Variants in TRIM11 observed in about 807,000 individuals in gnomAD.
The protein encoded by TRIM11 is E3 ubiquitin-protein ligase TRIM11.
TRIM11 carries 15 observed loss-of-function variants against 33.4 expected under a neutral mutation model. The observed-to-expected ratio is 0.45, with a 90% CI of 0.30 to 0.69. The LOEUF is 0.69. Ranked by LOEUF, TRIM11 falls within the 30% of genes least tolerant of loss-of-function variation. The probability of loss-of-function intolerance (pLI) is 0.08; values close to 1 mark genes in which losing one functional copy is unlikely to be tolerated. For synonymous variants in TRIM11, 281 were observed against 302.6 expected (o/e 0.93, Z 0.74); for missense variants, 499 against 667.6 (o/e 0.75, Z 2.78).
Position 228,406,580 on chromosome 1 carries a change from G to T in TRIM11, c.-19C>A. ...CGGCCATGGCGCGGACAGAGGGGAG[G>T]AAGGCGGTACTGTCCGCGGGGCGGC... On this transcript the variant is annotated 5_prime_UTR_variant, in exon 1 of 6. Transcript: ENST00000284551. The surrounding 1 kb of genome is among the most constrained non-coding windows in gnomAD (Gnocchi z 8.2). The T allele has an allele frequency of 2.7e-6, 4 of 1,491,400 alleles. No homozygotes were observed. Among genetic ancestry groups the T allele is most frequent in the Non-Finnish European group, 2.7e-6 (3 of 1,117,468 alleles). 92.4% of individuals were successfully genotyped at this position (1,491,400 alleles called of 1,614,324 possible).
chr1:228,406,551 G>C lies in TRIM11; in HGVS notation c.11C>G (p.Pro4Arg), dbSNP rs1170213148. Reference protein sequence around the residue: MAAPDLSTNLQEEA... With the variant: MAARDLSTNLQEEA... ...CTCCTGGAGGTTGGTGGACAGGTCG[G>C]GGGCGGCCATGGCGCGGACAGAGGG... The change falls in exon 1 of 6, where the codon CCC becomes CGC. Residue 4 changes from proline to arginine, a missense_variant. Transcript: ENST00000284551. The surrounding 1 kb of genome is among the most constrained non-coding windows in gnomAD (Gnocchi z 8.2). The C allele has an allele frequency of 6.5e-7, 1 of 1,537,496 alleles. No homozygotes were observed. The highest frequency in any genetic ancestry group is 1.2e-5 in the South Asian group (1 of 83,898).
rs2074955745 is a variant in TRIM11 at position 228,394,035 on chromosome 1, TC to T, written c.*669del. On this transcript the variant is annotated 3_prime_UTR_variant, in exon 6 of 6. Coordinates refer to ENST00000284551, the MANE Select transcript of TRIM11 (RefSeq NM_145214.3). The surrounding 1 kb of genome is among the most constrained non-coding windows in gnomAD (Gnocchi z 6.2). ...TGCAAAAGACATTTCTGGGCTCTGC[TC>T]TCTCCTCTAGGCCCACACACCTGCT... 6.6e-6 allele frequency: 1 copy of T among 152,276 alleles called. No homozygotes were observed. Among genetic ancestry groups the T allele is most frequent in the Admixed American group, 6.5e-5 (1 of 15,278 alleles). 9.4% of individuals were successfully genotyped at this position (152,276 alleles called of 1,614,324 possible). A position where few individuals can be genotyped will look rare whatever the true frequency, so the allele number is the denominator to read the frequency against.
At chr1:228,397,847 A>G (rs566665656) in intron 3 of TRIM11, among the ~76,000 whole-genome samples, 31 of 152,342 alleles carry the variant, frequency 2.0e-4, no homozygotes, top group Non-Finnish European at 3.7e-4. Flanking sequence ...CTTGAGTCTC[A>G]TAAGAAGGGG....
intron 1 of TRIM11, 79 bp from the exon 2 acceptor site, chr1:228,402,240 CCCT>C (rs1656262286): frequency 9.2e-7 from 1 of 1,081,518 alleles, no homozygotes; most frequent in South Asian, 1.6e-5. Flanking sequence ...ACACCCTGTC[CCCT>C]CCTCAAAGAC....
At chr1:228,402,326 G>A in intron 1 of TRIM11, 165 bp from the exon 2 acceptor site, 1 of 533,338 alleles carries the variant, frequency 1.9e-6, no homozygotes, top group Non-Finnish European at 3.3e-6. Context: ...AGCCCTCATG[G>A]TAGGTGGGCA....
rs1656427193 is a variant in TRIM11 at position 228,406,598 on chromosome 1, G to GGGGCGGCGGC, written c.-47_-38dup. On this transcript the variant is annotated 5_prime_UTR_variant, in exon 1 of 6. Transcript: ENST00000284551. The surrounding 1 kb of genome is among the most constrained non-coding windows in gnomAD (Gnocchi z 8.2). ...AGGGGAGGAAGGCGGTACTGTCCGC[G>GGGGCGGCGGC]GGGCGGCGGCGGGCGGCCTCGGCAG... 7.1e-7 allele frequency: 1 copy of GGGGCGGCGGC among 1,404,722 alleles called. No individual in the cohort carries two copies. Among genetic ancestry groups the GGGGCGGCGGC allele is most frequent in the Non-Finnish European group, 9.3e-7 (1 of 1,079,746 alleles). 87.0% of individuals were successfully genotyped at this position (1,404,722 alleles called of 1,614,324 possible). A position where few individuals can be genotyped will look rare whatever the true frequency, so the allele number is the denominator to read the frequency against.
rs985019343 is a variant in TRIM11 at position 228,400,533 on chromosome 1, T to G, written c.735+431A>C. Among the ~76,000 whole-genome samples, 1 of 152,068 alleles carries G rather than the reference T, an allele frequency of 6.6e-6. No individual in the cohort carries two copies. The highest frequency in any genetic ancestry group is 2.4e-5 in the African/African-American group (1 of 41,404). ...CCCCATAATGGAGATGCATGGGGTG[T>G]GCCAGCGGGGTGAAGACAGAGTGAA... On this transcript the variant is annotated intron_variant, in intron 3 of 5. Coordinates refer to ENST00000284551, the MANE Select transcript of TRIM11 (RefSeq NM_145214.3). The surrounding 1 kb of genome is among the most constrained non-coding windows in gnomAD (Gnocchi z 4.5).
In TRIM11 at chr1:228,406,176, T is replaced by C. The variant is rs773809913; in HGVS notation, c.386A>G (p.Gln129Arg). ...EHWAHRVRPL[Q>R]DAAEDLKAKL... ...CACCTTGAGGTCTTCGGCCGCGTCC[T>C]GCAGCGGCCGCACGCGGTGCGCCCA... The change falls in exon 1 of 6, where the codon CAG becomes CGG. Residue 129 changes from glutamine (Q) to arginine (R), a missense_variant. Transcript: ENST00000284551. The surrounding 1 kb of genome is among the most constrained non-coding windows in gnomAD (Gnocchi z 8.2). 1.2e-5 allele frequency: 17 copies of C among 1,424,056 alleles called. No individual in the cohort carries two copies. Among genetic ancestry groups the C allele is most frequent in the Non-Finnish European group, 1.5e-5 (17 of 1,097,596 alleles). The allele number at this position is 1,424,056 out of a possible 1,614,324, so 88.2% of individuals were successfully genotyped here.
Position 228,402,111 on chromosome 1 carries a change from C to T in TRIM11, c.459G>A (p.Ala153=), listed in dbSNP as rs148386528. 5.5e-5 allele frequency: 89 copies of T among 1,613,378 alleles called. No individual in the cohort carries two copies. The highest frequency in any genetic ancestry group is 6.8e-5 in the Non-Finnish European group (80 of 1,179,630). Residue 153 remains alanine, a synonymous_variant, in exon 2 of 6, where the codon GCG becomes GCA. Transcript: ENST00000284551. ...LEHLRKQMQD[A]LLFQAQADET... ...CATCCGCCTGGGCTTGGAACAGCAA[C>T]GCATCCTGCATCTGCTTCCGGAGAT...
chr1:228,404,077 GTCTC>G (rs1656318040), intron 1 of TRIM11: 2 of 152,258 alleles, frequency 1.3e-5, no homozygotes, highest in Non-Finnish European at 2.9e-5. Flanking sequence ...GCATCTTTGT[GTCTC>G]TGGCCAGATC....
At chr1:228,398,365 G>T (rs2075004196) in intron 3 of TRIM11, among the ~76,000 whole-genome samples, 1 of 152,020 alleles carries the variant, frequency 6.6e-6, no homozygotes, top group Admixed American at 6.5e-5. Flanking sequence ...TAAAAAGGAG[G>T]CCAGCACTTT....
Position 228,406,832 on chromosome 1 carries a change from A to T in TRIM11, c.-271T>A, listed in dbSNP as rs2149095976. 3.7e-5 allele frequency: 3 copies of T among 82,178 alleles called. No individual in the cohort carries two copies. Among genetic ancestry groups the T allele is most frequent in the East Asian group, 2.5e-4 (1 of 4,038 alleles). 5.1% of individuals were successfully genotyped at this position (82,178 alleles called of 1,614,324 possible). On this transcript the variant is annotated 5_prime_UTR_variant, in exon 1 of 6. Coordinates refer to ENST00000284551, the MANE Select transcript of TRIM11 (RefSeq NM_145214.3). This position sits in a 1 kb window ranked among gnomAD's most constrained non-coding sequence, Gnocchi z 8.2. ...CGGATGCCGGCAGGAAGAGGAGCCGAGGCGGAAGCAGGAAGCGACTGGGTG... is the reference window on the plus strand; with the variant it reads ...CGGATGCCGGCAGGAAGAGGAGCCGTGGCGGAAGCAGGAAGCGACTGGGTG...
intron 3 of TRIM11, among the ~76,000 whole-genome samples, chr1:228,399,879 C>CAAAAAAAAAAAAAAAAAAAAAA (rs55896989): frequency 8.6e-6 from 1 of 115,990 alleles, no homozygotes; most frequent in Non-Finnish European, 1.7e-5. Flanking sequence ...CTTAAATCTA[C>CAAAAAAAAAAAAAAAAAAAAAA]AAAAAAAAAA....
Position 228,406,178 on chromosome 1 carries a change from C to G in TRIM11, c.384G>C (p.Leu128=). 7.0e-7 allele frequency: 1 copy of G among 1,425,962 alleles called. No individual in the cohort carries two copies. Among genetic ancestry groups the G allele is most frequent in the South Asian group, 1.4e-5 (1 of 69,788 alleles). 88.3% of individuals were successfully genotyped at this position (1,425,962 alleles called of 1,614,324 possible). A position where few individuals can be genotyped will look rare whatever the true frequency, so the allele number is the denominator to read the frequency against. ...GEHWAHRVRP[L]QDAAEDLKAK... is the part of the protein sequence containing the mutation. Reference sequence around the variant, plus strand: ...CCTTGAGGTCTTCGGCCGCGTCCTGCAGCGGCCGCACGCGGTGCGCCCAGT... The same window carrying G: ...CCTTGAGGTCTTCGGCCGCGTCCTGGAGCGGCCGCACGCGGTGCGCCCAGT... The change falls in exon 1 of 6, where the codon CTG becomes CTC. Residue 128 remains leucine, a synonymous_variant. Coordinates refer to ENST00000284551, the MANE Select transcript of TRIM11 (RefSeq NM_145214.3). This position sits in a 1 kb window ranked among gnomAD's most constrained non-coding sequence, Gnocchi z 8.2.
chr1:228,406,111 C>G lies in TRIM11; in HGVS notation c.408+43G>C. The G allele has an allele frequency of 1.5e-6, 2 of 1,342,698 alleles. No homozygotes were observed. Among genetic ancestry groups the G allele is most frequent in the Non-Finnish European group, 9.5e-7 (1 of 1,052,336 alleles). 83.2% of individuals were successfully genotyped at this position (1,342,698 alleles called of 1,614,324 possible). ...CACCCGCCCAGGCCTCCCCAGTCCC[C>G]GGCTCCCCGACGCCCCTGCACGCCA... is the stretch of plus-strand genomic sequence containing the variant. On this transcript the variant is annotated intron_variant, in intron 1 of 5. Transcript: ENST00000284551. This position sits in a 1 kb window ranked among gnomAD's most constrained non-coding sequence, Gnocchi z 8.2.
At position 228,397,184 on chromosome 1, in the gene TRIM11, C is replaced by T; in HGVS notation, c.736-19G>A. The T allele has an allele frequency of 6.2e-7, 1 of 1,609,990 alleles. No homozygotes were observed. Among genetic ancestry groups the T allele is most frequent in the Non-Finnish European group, 8.5e-7 (1 of 1,177,388 alleles). ...TGATGTCCTATGTGGGGAGGAGAAA[C>T]AGCACACTCGGTGTCAGTGACCATC... is the stretch of plus-strand genomic sequence containing the variant. On this transcript the variant is annotated intron_variant, in intron 3 of 5. Transcript: ENST00000284551.
rs4653952 is a variant in TRIM11, at chr1:228,394,343, A to G, written c.*362T>C. 4,758 of 241,882 alleles carry G rather than the reference A, an allele frequency of 0.02. 86 individuals are homozygous for G. The highest frequency in any genetic ancestry group is 0.06 in the East Asian group (733 of 12,204). The allele number at this position is 241,882 out of a possible 1,614,324, so 15.0% of individuals were successfully genotyped here. A position where few individuals can be genotyped will look rare whatever the true frequency, so the allele number is the denominator to read the frequency against. ...TCAGGGGGCTGGCAAAGCTGCAGGA[A>G]CTGTGCAGCTTAGGTGAACCCTGGA... On this transcript the variant is annotated 3_prime_UTR_variant, in exon 6 of 6. Transcript: ENST00000284551. This position sits in a 1 kb window ranked among gnomAD's most constrained non-coding sequence, Gnocchi z 6.2.
rs767159982 is a variant in TRIM11, at chr1:228,400,925, G to A, written c.735+39C>T. ...CCCTCCCCCAGTGTGGCCAGGCCAT[G>A]CCCGTGTGGCCACCATGGCTGCTCC... On this transcript the variant is annotated intron_variant, in intron 3 of 5. Transcript: ENST00000284551. The surrounding 1 kb of genome is among the most constrained non-coding windows in gnomAD (Gnocchi z 4.5). The A allele has an allele frequency of 6.7e-7, 1 of 1,498,624 alleles. No individual in the cohort carries two copies. Among genetic ancestry groups the A allele is most frequent in the Non-Finnish European group, 8.9e-7 (1 of 1,126,434 alleles). The allele number at this position is 1,498,624 out of a possible 1,614,324, so 92.8% of individuals were successfully genotyped here. A position where few individuals can be genotyped will look rare whatever the true frequency, so the allele number is the denominator to read the frequency against.
intron 3 of TRIM11, among the ~76,000 whole-genome samples, chr1:228,399,370 C>T (rs573539154): frequency 6.6e-6 from 1 of 152,342 alleles, no homozygotes; most frequent in East Asian, 1.9e-4. Flanking sequence ...CAGGCCAAAC[C>T]TGGGCAGGGA....
Sources: allele counts gnomAD v4.1 joint callset (sites outside exome capture counted in the v4.1 genomes callset), GRCh38; gene constraint gnomAD v4.1.1; non-coding constraint Gnocchi (gnomAD v3.1); transcripts MANE v1.5; gene names NCBI Gene and HGNC (gene_info 2026-07-23, HGNC 2026-07-21).